GYPC: variants seen among roughly 807,000 people sequenced by gnomAD.
GYPC encodes the protein glycophorin-C.
Under a neutral mutation model 12.6 loss-of-function variants are expected in GYPC, and 14 were observed. The observed-to-expected ratio is 1.11, with a 90% CI of 0.74 to 1.74. The LOEUF (loss-of-function observed/expected upper bound fraction) is 1.74, where lower values mean the gene tolerates loss of function less well. GYPC is among the 40% of genes most tolerant of loss of function. The pLI is 0.00. For missense variants in GYPC, 225 were observed against 172.1 expected (o/e 1.31, Z -1.72); for synonymous variants, 78 against 62.1 (o/e 1.26, Z -1.20).
chr2:126,666,127 C>T (rs1053168510), intron 1 of GYPC, among the ~76,000 whole-genome samples: 7 of 152,226 alleles, frequency 4.6e-5, no homozygotes, highest in Non-Finnish European at 8.8e-5. Context: ...CCAGCAGCTG[C>T]GAATGCAGTG....
intron 1 of GYPC, among the ~76,000 whole-genome samples, chr2:126,660,169 G>A (rs1682496466): frequency 6.6e-6 from 1 of 152,208 alleles, no homozygotes; most frequent in South Asian, 2.1e-4. Flanking sequence ...CTGTGGCTCT[G>A]CACACTGAGG....
Position 126,693,877 on chromosome 2 carries a change from G to A in GYPC, c.120G>A (p.Gly40=). Residue 40 remains glycine (G), a synonymous_variant, in exon 3 of 4, where the codon GGG becomes GGA. Transcript: ENST00000259254. ...CTCTGTTCACAGAGCCTGATCCAGG[G>A]ATGTCTGGATGGCCGGATGGCAGAA... The part of the protein sequence containing the change: ...HTTTIAEPDP[G]MSGWPDGRME... The A allele has an allele frequency of 1.2e-6, 2 of 1,607,792 alleles. No homozygotes were observed. Among genetic ancestry groups the A allele is most frequent in the Non-Finnish European group, 1.7e-6 (2 of 1,174,174 alleles).
At chr2:126,695,617 A>T (rs1285376338) in intron 3 of GYPC, among the ~76,000 whole-genome samples, 1 of 152,214 alleles carries the variant, frequency 6.6e-6, no homozygotes, top group African/African-American at 2.4e-5. Flanking sequence ...GGCAATATAT[A>T]GTATGATACA....
chr2:126,681,989 G>A (rs566338404), intron 1 of GYPC, among the ~76,000 whole-genome samples: 27 of 152,224 alleles, frequency 1.8e-4, no homozygotes, highest in Non-Finnish European at 2.9e-4. Context: ...AGCATGGTGC[G>A]CAGGATTGCA....
rs1683657531 is a variant in GYPC at position 126,696,641 on chromosome 2, T to C, written c.*499T>C. ...CTGCCATTGATCCAGCTCAGAACGA[T>C]TGGAAATAAATTTGAAATGTAACCG... On this transcript the variant is annotated 3_prime_UTR_variant, in exon 4 of 4. Coordinates refer to ENST00000259254, the MANE Select transcript of GYPC (RefSeq NM_002101.5). The C allele has an allele frequency of 4.4e-6, 1 of 225,528 alleles. No individual in the cohort carries two copies. Among genetic ancestry groups the C allele is most frequent in the African/African-American group, 2.3e-5 (1 of 43,786 alleles). 14.0% of individuals were successfully genotyped at this position (225,528 alleles called of 1,614,324 possible). A position where few individuals can be genotyped will look rare whatever the true frequency, so the allele number is the denominator to read the frequency against.
intron 1 of GYPC, chr2:126,657,550 A>G (rs576320021): frequency 1.8e-4 from 27 of 152,322 alleles, no homozygotes; most frequent in Admixed American, 1.7e-3. Context: ...TGCACATGAG[A>G]CTGTGGTTCC....
chr2:126,666,036 G>A (rs538641506), intron 1 of GYPC, among the ~76,000 whole-genome samples: 121 of 152,298 alleles, frequency 7.9e-4, no homozygotes, highest in African/African-American at 2.8e-3. Context: ...GGCCTCTGAA[G>A]AAAAGGCCTT....
intron 1 of GYPC, among the ~76,000 whole-genome samples, chr2:126,682,904 A>G (rs967781548): frequency 6.6e-6 from 1 of 150,990 alleles, no homozygotes; most frequent in African/African-American, 2.4e-5. Flanking sequence ...CCTCCTCCCC[A>G]CTCTTCCTGC....
At chr2:126,684,678 C>A (rs28387185) in intron 1 of GYPC, among the ~76,000 whole-genome samples, 7 of 152,148 alleles carry the variant, frequency 4.6e-5, no homozygotes, top group Non-Finnish European at 1.0e-4. Context: ...TTGGCCTTAA[C>A]GGTGGAGCAT....
intron 1 of GYPC, chr2:126,658,376 C>T (rs1682430626): frequency 6.6e-6 from 1 of 152,268 alleles, no homozygotes; most frequent in Non-Finnish European, 1.5e-5. Flanking sequence ...AAGTACAAGG[C>T]ATTCTGCGCT....
At chr2:126,692,218 C>T (rs1411080229) in intron 2 of GYPC, among the ~76,000 whole-genome samples, 2 of 152,088 alleles carry the variant, frequency 1.3e-5, no homozygotes, top group Non-Finnish European at 2.9e-5. Flanking sequence ...GACCCAGATC[C>T]TGAGCCAGTG....
intron 1 of GYPC, among the ~76,000 whole-genome samples, chr2:126,662,536 C>T (rs1161362275): frequency 1.3e-5 from 2 of 152,188 alleles, no homozygotes; most frequent in Non-Finnish European, 2.9e-5. Context: ...AGTTGCTGGT[C>T]CATCGTCTGG....
At chr2:126,682,073 C>A (rs1315510816) in intron 1 of GYPC, among the ~76,000 whole-genome samples, 1 of 151,920 alleles carries the variant, frequency 6.6e-6, no homozygotes, top group Non-Finnish European at 1.5e-5. Context: ...GTGTTCTGCG[C>A]TCCAGCCACC....
intron 1 of GYPC, among the ~76,000 whole-genome samples, chr2:126,672,833 C>T (rs942818907): frequency 1.3e-5 from 2 of 152,260 alleles, no homozygotes; most frequent in Middle Eastern, 6.8e-3. Flanking sequence ...CAGCCCCACC[C>T]ACACTTCCCT....
intron 1 of GYPC, among the ~76,000 whole-genome samples, chr2:126,668,618 C>A (rs1682751710): frequency 1.3e-5 from 2 of 152,218 alleles, no homozygotes; most frequent in South Asian, 2.1e-4. Context: ...AAGGTTTACG[C>A]TCAAACTCCA....
intron 1 of GYPC, among the ~76,000 whole-genome samples, chr2:126,667,230 G>A (rs530902472): frequency 1.3e-5 from 2 of 152,226 alleles, no homozygotes; most frequent in South Asian, 4.2e-4. Flanking sequence ...TTTGGTTTGG[G>A]TTCAGCACTA....
chr2:126,694,069 A>C (rs1683565595), intron 3 of GYPC, 122 bp downstream of exon 3: 4 of 740,286 alleles, frequency 5.4e-6, no homozygotes, highest in Non-Finnish European at 9.9e-6. Context: ...TCTCTCCCTC[A>C]GAGGTGGTTT....
intron 1 of GYPC, among the ~76,000 whole-genome samples, chr2:126,671,937 C>A (rs28387131): frequency 0.16 from 24,390 of 152,104 alleles, 2,517 homozygotes; most frequent in East Asian, 0.41. Context: ...TTTGAGAAAG[C>A]CCTGAAAAAA....
intron 1 of GYPC, 24 bp downstream of exon 1, chr2:126,656,336 G>C: frequency 6.3e-7 from 1 of 1,578,320 alleles, no homozygotes; most frequent in Non-Finnish European, 8.6e-7. Context: ...GTGGGGAAGG[G>C]TCCTGGGGAC....
Sources: gnomAD v4.1 joint callset for allele counts (sites outside exome capture counted in the v4.1 genomes callset) on GRCh38, gnomAD v4.1.1 for gene constraint, MANE v1.5 for transcripts, NCBI Gene and HGNC (gene_info 2026-07-23, HGNC 2026-07-21) for gene names.